Variants in RPSA2 observed in about 807,000 individuals in gnomAD.
The protein encoded by RPSA2 is ribosomal protein SA 2.
At chr19:23,847,618 C>T in the RPSA2 span, among the ~76,000 whole-genome samples, 45 of 152,232 alleles carry the variant, frequency 3.0e-4, no homozygotes, top group South Asian at 1.7e-3. Context: ...CAGTGGTGCA[C>T]GTATTGTCTT....
At chr19:23,856,285 C>A in the RPSA2 span, among the ~76,000 whole-genome samples, 3 of 151,842 alleles carry the variant, frequency 2.0e-5, no homozygotes, top group Non-Finnish European at 4.4e-5. Context: ...TTCCTGGAAT[C>A]TTACACCAAC....
the RPSA2 span, among the ~76,000 whole-genome samples, chr19:23,870,528 A>AG: frequency 6.6e-6 from 1 of 151,068 alleles, no homozygotes; most frequent in Non-Finnish European, 1.5e-5. Flanking sequence ...TGAATTACAA[A>AG]AAAAAGTTCT....
chr19:23,829,358 T>A, the RPSA2 span, among the ~76,000 whole-genome samples: 1 of 152,308 alleles, frequency 6.6e-6, no homozygotes, highest in East Asian at 1.9e-4. Flanking sequence ...TGGAGTGCAA[T>A]GGCATTGATC....
At chr19:23,828,068 C>G in the RPSA2 span, 1 of 589,180 alleles carries the variant, frequency 1.7e-6, no homozygotes, top group Admixed American at 3.1e-5. Context: ...TGCATAGGCT[C>G]TTAAGCAGCA....
chr19:23,849,200 T>C, the RPSA2 span, among the ~76,000 whole-genome samples: 1 of 152,196 alleles, frequency 6.6e-6, no homozygotes, highest in African/African-American at 2.4e-5. Flanking sequence ...TGTATAGGAA[T>C]AGTCAGATTG....
At chr19:23,868,527 T>C in the RPSA2 span, among the ~76,000 whole-genome samples, 1 of 152,228 alleles carries the variant, frequency 6.6e-6, no homozygotes, top group South Asian at 2.1e-4. Context: ...AAAAGGGTGA[T>C]TGGACACCAG....
chr19:23,843,493 A>G, the RPSA2 span, among the ~76,000 whole-genome samples: 1 of 152,138 alleles, frequency 6.6e-6, no homozygotes, highest in Admixed American at 6.6e-5. Context: ...TTTTCCTTTG[A>G]GGGTACCATG....
At chr19:23,866,293 T>C in the RPSA2 span, among the ~76,000 whole-genome samples, 2 of 152,222 alleles carry the variant, frequency 1.3e-5, no homozygotes, top group South Asian at 4.1e-4. Context: ...AGATCACTCA[T>C]GCCTCTGCTG....
the RPSA2 span, among the ~76,000 whole-genome samples, chr19:23,826,376 A>G: frequency 6.6e-6 from 1 of 151,494 alleles, no homozygotes; most frequent in Non-Finnish European, 1.5e-5. Context: ...CATTTTTAGT[A>G]AAGATGCAGT....
the RPSA2 span, among the ~76,000 whole-genome samples, chr19:23,865,641 A>G: frequency 4.6e-5 from 7 of 152,300 alleles, no homozygotes; most frequent in Middle Eastern, 3.4e-3. Flanking sequence ...TAAGCAGAAA[A>G]AAAGAGAGGA....
the RPSA2 span, among the ~76,000 whole-genome samples, chr19:23,813,000 A>G: frequency 6.6e-6 from 1 of 152,178 alleles, no homozygotes; most frequent in Non-Finnish European, 1.5e-5. Context: ...AGGCCAGGAC[A>G]GAAGGATTGC....
chr19:23,865,643 AAG>A, the RPSA2 span, among the ~76,000 whole-genome samples: 35 of 152,320 alleles, frequency 2.3e-4, no homozygotes, highest in Admixed American at 8.5e-4. Context: ...AGCAGAAAAA[AAG>A]AGAGGAGAAT....
the RPSA2 span, among the ~76,000 whole-genome samples, chr19:23,767,898 C>A: frequency 6.6e-6 from 1 of 150,976 alleles, no homozygotes; most frequent in African/African-American, 2.4e-5. Flanking sequence ...TCCTGAGTAG[C>A]TGGGATTACA....
At chr19:23,869,812 A>G in the RPSA2 span, among the ~76,000 whole-genome samples, 1 of 152,182 alleles carries the variant, frequency 6.6e-6, no homozygotes, top group African/African-American at 2.4e-5. Context: ...AACACTCTCT[A>G]ATACCAGTAC....
chr19:23,843,781 T>A, the RPSA2 span, among the ~76,000 whole-genome samples: 1 of 152,154 alleles, frequency 6.6e-6, no homozygotes, highest in African/African-American at 2.4e-5. Flanking sequence ...TTTTTTGAGA[T>A]GAAGTTTCAC....
chr19:23,832,752 G>C, the RPSA2 span: 1 of 1,560,746 alleles, frequency 6.4e-7, no homozygotes, highest in South Asian at 1.1e-5. Context: ...CTTTTAGCCA[G>C]TCATCAATCC....
the RPSA2 span, among the ~76,000 whole-genome samples, chr19:23,768,757 T>G: frequency 4.7e-5 from 7 of 148,282 alleles, no homozygotes; most frequent in Admixed American, 3.4e-4. Flanking sequence ...CCATCTAATT[T>G]TTCTATATTT....
chr19:23,862,903 T>G, the RPSA2 span, among the ~76,000 whole-genome samples: 1 of 151,856 alleles, frequency 6.6e-6, no homozygotes, highest in African/African-American at 2.4e-5. Context: ...TTTCTTTTTT[T>G]TTTTTTTGTT....
At chr19:23,847,009 CT>C in the RPSA2 span, among the ~76,000 whole-genome samples, 1 of 152,030 alleles carries the variant, frequency 6.6e-6, no homozygotes, top group African/African-American at 2.4e-5. Context: ...TGTTTAGTCA[CT>C]TTATGTAGTT....
Sources: allele counts gnomAD v4.1 joint callset (sites outside exome capture counted in the v4.1 genomes callset), GRCh38; gene constraint gnomAD v4.1.1; transcripts MANE v1.5; gene names NCBI Gene and HGNC (gene_info 2026-07-23, HGNC 2026-07-21).